The following PHYHD1 variants were observed in gnomAD, a reference collection of about 807,000 sequenced individuals.
PHYHD1 encodes phytanoyl-CoA dioxygenase domain-containing protein 1.
PHYHD1 carries 42 observed loss-of-function variants against 43.6 expected under a neutral mutation model. That is an observed-to-expected ratio of 0.96 (90% CI 0.75 to 1.25). The LOEUF is 1.25. Ranked by LOEUF, PHYHD1 falls within the 50% of genes most tolerant of loss-of-function variation. The pLI is 0.00. For synonymous variants in PHYHD1, 139 were observed against 143.6 expected, an observed-to-expected ratio of 0.97 and a Z score of 0.23; for missense variants, 342 against 370.8, an observed-to-expected ratio of 0.92 and a Z score of 0.64.
intron 3 of PHYHD1, among the ~76,000 whole-genome samples, chr9:128,924,682 C>T (rs112978897): frequency 0.017 from 2,617 of 151,468 alleles, 79 homozygotes; most frequent in African/African-American, 0.059. Context: ...TGCCTGTAAT[C>T]CCAGCATTTT....
intron 4 of PHYHD1, among the ~76,000 whole-genome samples, chr9:128,933,409 G>A (rs1326038154): frequency 6.6e-6 from 1 of 151,890 alleles, no homozygotes; most frequent in Non-Finnish European, 1.5e-5. Flanking sequence ...AATATGCTGG[G>A]ATTACAGGTG....
intron 3 of PHYHD1, among the ~76,000 whole-genome samples, chr9:128,923,819 T>TA (rs988287799): frequency 9.9e-5 from 15 of 151,234 alleles, no homozygotes; most frequent in East Asian, 3.9e-4. Context: ...ACTCCTTCTC[T>TA]AAAAAAAAAT....
At chr9:128,928,827 A>AG (rs1327093682) in intron 4 of PHYHD1, among the ~76,000 whole-genome samples, 1 of 152,186 alleles carries the variant, frequency 6.6e-6, no homozygotes, top group Non-Finnish European at 1.5e-5. Context: ...TGATACTGTG[A>AG]GAAAAAAAAA....
At position 128,941,486 on chromosome 9, in the gene PHYHD1, A is replaced by T. The variant is rs17455266; in HGVS notation, c.745A>T (p.Lys249Ter). 3 of 1,613,958 alleles carry T rather than the reference A, an allele frequency of 1.9e-6. No individual in the cohort carries two copies. The highest frequency in any genetic ancestry group is 2.2e-5 in the South Asian group (2 of 91,084). The change falls in exon 12 of 13, where the codon AAG becomes TAG. Residue 249 changes from lysine to a stop codon, truncating the protein, a stop_gained. Coordinates refer to ENST00000372592, the MANE Select transcript of PHYHD1 (RefSeq NM_001100876.2). LOFTEE classifies it high-confidence loss of function. ...CCATGGAGAAGTGGTACACAAGAGC[A>T]AGCAGAACCTCTCTGACCGCTCGCG... Reference protein sequence around the residue: ...LIHGEVVHKSKQNLSDRSRQA... With the variant: ...LIHGEVVHKS
At chr9:128,927,418 C>T (rs1395937414) in intron 4 of PHYHD1, among the ~76,000 whole-genome samples, 1 of 151,678 alleles carries the variant, frequency 6.6e-6, no homozygotes, top group African/African-American at 2.4e-5. Flanking sequence ...CTCTGTTGCT[C>T]AGTCTGGAAT....
intron 4 of PHYHD1, among the ~76,000 whole-genome samples, chr9:128,932,957 C>T (rs893739185): frequency 2.0e-5 from 3 of 151,502 alleles, no homozygotes; most frequent in African/African-American, 7.3e-5. Flanking sequence ...ACGCCATTCT[C>T]CTGTCTCAGC....
chr9:128,940,555 C>T, intron 10 of PHYHD1, 44 bp from the exon 11 acceptor site: 1 of 1,613,844 alleles, frequency 6.2e-7, no homozygotes, highest in Non-Finnish European at 8.5e-7. Context: ...GGGAGAGGGA[C>T]CTTGAGAAAG....
chr9:128,926,350 A>G (rs1438130875), intron 3 of PHYHD1, among the ~76,000 whole-genome samples: 1 of 149,332 alleles, frequency 6.7e-6, no homozygotes, highest in Non-Finnish European at 1.5e-5. Flanking sequence ...CCTGCCTCCA[A>G]GCTATTCTCC....
At chr9:128,922,192 G>C in intron 2 of PHYHD1, 91 bp from the exon 3 acceptor site, 1 of 1,051,198 alleles carries the variant, frequency 9.5e-7, no homozygotes, top group South Asian at 1.4e-5. Context: ...GCTGTGTCTA[G>C]GGAAGGAGGG....
At chr9:128,928,858 C>A (rs886887981) in intron 4 of PHYHD1, among the ~76,000 whole-genome samples, 1 of 152,172 alleles carries the variant, frequency 6.6e-6, no homozygotes, top group Non-Finnish European at 1.5e-5. Flanking sequence ...CGTCCTGTTT[C>A]ATTTTCTTGG....
intron 6 of PHYHD1, among the ~76,000 whole-genome samples, chr9:128,934,353 ACTC>A: frequency 6.6e-6 from 1 of 150,498 alleles, no homozygotes; most frequent in Non-Finnish European, 1.5e-5. Context: ...GTGCCATTGC[ACTC>A]CAGCCTGCCT....
chr9:128,932,172 A>ATTTTTTTTTTTTTTTTT (rs1367583651), intron 4 of PHYHD1, among the ~76,000 whole-genome samples: 1 of 104,232 alleles, frequency 9.6e-6, no homozygotes, highest in African/African-American at 4.3e-5. Flanking sequence ...TATTATTGTT[A>ATTTTTTTTTTTTTTTTT]TTATTATTAT....
intron 4 of PHYHD1, among the ~76,000 whole-genome samples, chr9:128,927,963 AC>A (rs1841177914): frequency 6.6e-6 from 1 of 152,184 alleles, no homozygotes; most frequent in Non-Finnish European, 1.5e-5. Context: ...ACATGATAGG[AC>A]CCAGTACAGT....
intron 9 of PHYHD1, 35 bp downstream of exon 9, chr9:128,937,813 T>G: frequency 6.2e-7 from 1 of 1,613,940 alleles, no homozygotes; most frequent in Non-Finnish European, 8.5e-7. Flanking sequence ...GAAAAGGCCA[T>G]GGGTGGGACA....
chr9:128,926,400 C>T (rs1447547404), intron 3 of PHYHD1, among the ~76,000 whole-genome samples: 3 of 151,590 alleles, frequency 2.0e-5, no homozygotes, highest in South Asian at 2.1e-4. Flanking sequence ...CACAGGCATG[C>T]GCCACCACAC....
At chr9:128,923,689 T>TC (rs1841061174) in intron 3 of PHYHD1, among the ~76,000 whole-genome samples, 1 of 152,196 alleles carries the variant, frequency 6.6e-6, no homozygotes, top group African/African-American at 2.4e-5. Flanking sequence ...TATTGCGTAA[T>TC]CCTCCTAAAA....
chr9:128,930,880 C>T (rs1354524180), intron 4 of PHYHD1, among the ~76,000 whole-genome samples: 5 of 144,042 alleles, frequency 3.5e-5, no homozygotes, highest in East Asian at 4.3e-4. Flanking sequence ...ACCCGGGAGG[C>T]GGAGCTTGCA....
rs1187101733 is a variant in PHYHD1, at chr9:128,933,858, G to T, written c.268+1G>T. 3.7e-6 allele frequency: 6 copies of T among 1,613,650 alleles called. No homozygotes were observed. The highest frequency in any genetic ancestry group is 2.2e-5 in the East Asian group (1 of 44,902). ...GAGAAAGGCGTTTTTGATGAGAAAG[G>T]TTTGGAGCTGGGGCCCTAGAGCTGG... On this transcript the variant is annotated splice_donor_variant, in intron 5 of 12. Coordinates refer to ENST00000372592, the MANE Select transcript of PHYHD1 (RefSeq NM_001100876.2). LOFTEE classifies it high-confidence loss of function.
In PHYHD1 at chr9:128,921,302, T is replaced by G. The variant is rs1373772648; in HGVS notation, c.-526T>G. On this transcript the variant is annotated 5_prime_UTR_variant, in exon 1 of 13. The change creates a new upstream start codon in the 5' untranslated region. Coordinates refer to ENST00000372592, the MANE Select transcript of PHYHD1 (RefSeq NM_001100876.2). Reference sequence around the variant, plus strand: ...AGTTTTTGGTATTTTTATTTATTATTTATTTATTTATTTTGAGACCGAGTC... The same window carrying G: ...AGTTTTTGGTATTTTTATTTATTATGTATTTATTTATTTTGAGACCGAGTC... 1 of 151,690 alleles carries G rather than the reference T, an allele frequency of 6.6e-6. No homozygotes were observed. Among genetic ancestry groups the G allele is most frequent in the African/African-American group, 2.4e-5 (1 of 41,272 alleles). The allele number at this position is 151,690 out of a possible 1,614,324, so 9.4% of individuals were successfully genotyped here. A position where few individuals can be genotyped will look rare whatever the true frequency, so the allele number is the denominator to read the frequency against.
Sources: allele counts gnomAD v4.1 joint callset (sites outside exome capture counted in the v4.1 genomes callset), GRCh38; gene constraint gnomAD v4.1.1; transcripts MANE v1.5; gene names NCBI Gene and HGNC (gene_info 2026-07-23, HGNC 2026-07-21).